BTBD10: variants seen among roughly 807,000 people sequenced by gnomAD.
BTBD10 encodes the protein BTB/POZ domain-containing protein 10.
In BTBD10, 21 loss-of-function variants were observed where a neutral mutation model predicts 53.2. The ratio of observed to expected loss-of-function variants is 0.39; its 90% CI spans 0.28 to 0.57. The LOEUF is 0.57. BTBD10 is among the 20% of genes least tolerant of loss of function. The pLI, the probability that BTBD10 is intolerant of heterozygous loss-of-function variation, is 0.53. For synonymous variants in BTBD10, 149 were observed against 192.7 expected, an observed-to-expected ratio of 0.77 and a Z score of 1.88; for missense variants, 360 against 594.7, an observed-to-expected ratio of 0.61 and a Z score of 4.10.
intron 1 of BTBD10, chr11:13,462,544 G>A (rs892613327): frequency 6.6e-6 from 1 of 152,142 alleles, no homozygotes; most frequent in Admixed American, 6.5e-5. Context: ...CAAAGATAAG[G>A]GTGTCAGGGC....
chr11:13,411,373 T>A (rs535955898), intron 6 of BTBD10, among the ~76,000 whole-genome samples: 1 of 152,216 alleles, frequency 6.6e-6, no homozygotes. Context: ...CAAAGGCATA[T>A]ATTTGCAAGA....
chr11:13,441,098 C>A (rs1487771851), intron 2 of BTBD10, among the ~76,000 whole-genome samples: 3 of 152,026 alleles, frequency 2.0e-5, no homozygotes, highest in Admixed American at 1.3e-4. Flanking sequence ...AACTTATAAA[C>A]AAATTCAGTA....
intron 1 of BTBD10, among the ~76,000 whole-genome samples, chr11:13,452,622 T>C (rs994105679): frequency 1.3e-5 from 2 of 152,118 alleles, no homozygotes; most frequent in East Asian, 1.9e-4. Context: ...ACAAACGACA[T>C]ACATAAACTT....
chr11:13,460,263 T>C (rs1233285253), intron 1 of BTBD10, among the ~76,000 whole-genome samples: 1 of 152,200 alleles, frequency 6.6e-6, no homozygotes, highest in Non-Finnish European at 1.5e-5. Context: ...AGACCTCTTT[T>C]TAAAACTGCA....
chr11:13,394,462 C>T (rs1308271867), intron 8 of BTBD10, among the ~76,000 whole-genome samples: 1 of 152,164 alleles, frequency 6.6e-6, no homozygotes, highest in East Asian at 1.9e-4. Flanking sequence ...CCCAGTCATG[C>T]TTCCTGTTAA....
In BTBD10 at chr11:13,434,894, A is replaced by G. The variant is rs958246886; in HGVS notation, c.101+10130T>C. ...AAATGTAGGAGGTGAGAGAAAAAGA[A>G]GAGTTAAGGATGACTCCATGATTTT... On this transcript the variant is annotated intron_variant, in intron 2 of 8. Transcript: ENST00000278174. 2.0e-5 allele frequency among the ~76,000 whole-genome samples: 3 copies of G among 152,226 alleles called. 1 individual carries two copies. The highest frequency in any genetic ancestry group is 2.0e-4 in the Admixed American group (3 of 15,276).
intron 7 of BTBD10, among the ~76,000 whole-genome samples, 158 bp from the exon 8 acceptor site, chr11:13,403,436 T>C (rs1216605130): frequency 6.6e-6 from 1 of 152,110 alleles, no homozygotes; most frequent in Non-Finnish European, 1.5e-5. Context: ...CAGGGCAGTA[T>C]TCAGTATAGT....
In BTBD10 at chr11:13,410,437, T is replaced by A. The variant is rs75812380; in HGVS notation, c.808+3093A>T. On this transcript the variant is annotated intron_variant, in intron 6 of 8. Transcript: ENST00000278174. The stretch of plus-strand genomic sequence containing the variant: ...TTTTTCTTAAGACAGGGTCTTGCTA[T>A]GTTGCCTAGGATGATTTCGAACCCC... Among the ~76,000 whole-genome samples, 6 of 152,282 alleles carry A rather than the reference T, an allele frequency of 3.9e-5. No individual in the cohort carries two copies. The South Asian group carries it at 1.2e-3, about 32-fold the overall frequency.
chr11:13,389,373 C>CA (rs1306260818), intron 8 of BTBD10, among the ~76,000 whole-genome samples: 2 of 151,258 alleles, frequency 1.3e-5, no homozygotes, highest in Non-Finnish European at 2.9e-5. Context: ...TATCAACCAT[C>CA]AAAAAAACAT....
chr11:13,454,971 T>C (rs749723596), intron 1 of BTBD10, among the ~76,000 whole-genome samples: 2 of 152,196 alleles, frequency 1.3e-5, no homozygotes, highest in Non-Finnish European at 2.9e-5. Context: ...GGTGCAATGA[T>C]GCAATCTCAG....
chr11:13,405,960 G>T, intron 6 of BTBD10, 104 bp from the exon 7 acceptor site: 9 of 1,029,586 alleles, frequency 8.7e-6, no homozygotes, highest in Non-Finnish European at 1.3e-5. Flanking sequence ...GCCTACATAG[G>T]CCCCCTCATT....
chr11:13,453,016 C>T (rs977990593), intron 1 of BTBD10, among the ~76,000 whole-genome samples: 11 of 152,058 alleles, frequency 7.2e-5, no homozygotes, highest in Non-Finnish European at 1.3e-4. Flanking sequence ...CACTAATACA[C>T]ACATATATAC....
intron 8 of BTBD10, among the ~76,000 whole-genome samples, chr11:13,396,766 A>G (rs1250716996): frequency 6.6e-6 from 1 of 152,150 alleles, no homozygotes; most frequent in African/African-American, 2.4e-5. Flanking sequence ...GTTGAATTTT[A>G]TCAAAGGCCT....
rs1555026667 is a variant in BTBD10 at position 13,430,974 on chromosome 11, T to TATAC, written c.102-9137_102-9136insGTAT. On this transcript the variant is annotated intron_variant, in intron 2 of 8. Transcript: ENST00000278174. ...TATGGTAAGGTTTTATGGAGATACA[T>TATAC]ACACACACACACACACACACACACA... Among the ~76,000 whole-genome samples the TATAC allele has an allele frequency of 8.5e-3, 1,223 of 144,488 alleles. 20 individuals carry two copies. The highest frequency in any genetic ancestry group is 0.029 in the African/African-American group (1,139 of 39,186). The allele number at this position is 144,488 out of a possible 152,430, so 94.8% of individuals were successfully genotyped here. A position where few individuals can be genotyped will look rare whatever the true frequency, so the allele number is the denominator to read the frequency against.
intron 1 of BTBD10, among the ~76,000 whole-genome samples, chr11:13,451,158 C>T (rs1259921397): frequency 6.6e-6 from 1 of 152,126 alleles, no homozygotes; most frequent in Non-Finnish European, 1.5e-5. Flanking sequence ...AGCTAAAATA[C>T]ACATGTACGG....
chr11:13,397,342 G>C (rs1054101077), intron 8 of BTBD10, among the ~76,000 whole-genome samples: 39 of 152,180 alleles, frequency 2.6e-4, no homozygotes, highest in African/African-American at 9.2e-4. Flanking sequence ...GGTGTTTATA[G>C]TATTCTCTGA....
intron 2 of BTBD10, among the ~76,000 whole-genome samples, chr11:13,437,829 C>A (rs1413600139): frequency 6.6e-6 from 1 of 152,162 alleles, no homozygotes; most frequent in African/African-American, 2.4e-5. Context: ...AATCTCCCAT[C>A]TTTTAGCAGT....
intron 2 of BTBD10, among the ~76,000 whole-genome samples, chr11:13,444,800 T>C (rs1485823833): frequency 6.6e-6 from 1 of 152,120 alleles, no homozygotes; most frequent in South Asian, 2.1e-4. Context: ...TAGGGAGATT[T>C]TCACCATCTT....
chr11:13,395,405 A>G (rs1565227878), intron 8 of BTBD10, among the ~76,000 whole-genome samples: 2 of 151,940 alleles, frequency 1.3e-5, no homozygotes, highest in East Asian at 3.9e-4. Flanking sequence ...TTTCTTGTAA[A>G]TTTGTTTGAG....
Sources: allele counts gnomAD v4.1 joint callset (sites outside exome capture counted in the v4.1 genomes callset), GRCh38; gene constraint gnomAD v4.1.1; transcripts MANE v1.5; gene names NCBI Gene and HGNC (gene_info 2026-07-23, HGNC 2026-07-21).